The following PIWIL3 variants were observed in gnomAD, a reference collection of about 807,000 sequenced individuals.
PIWIL3 encodes piwi like RNA-mediated gene silencing 3, also known as piwi-like protein 3.
In PIWIL3, 101 loss-of-function variants were observed where a neutral mutation model predicts 109.7. That is an observed-to-expected ratio of 0.92 (90% CI 0.78 to 1.09). PIWIL3 has a LOEUF of 1.09. Ranked by LOEUF, PIWIL3 falls within the 50% of genes least tolerant of loss-of-function variation. The probability of loss-of-function intolerance (pLI) is 0.00; values close to 1 mark genes in which losing one functional copy is unlikely to be tolerated. For synonymous variants in PIWIL3, 373 were observed against 376.4 expected, an observed-to-expected ratio of 0.99 and a Z score of 0.10; for missense variants, 1,031 against 1,072.6, an observed-to-expected ratio of 0.96 and a Z score of 0.54.
At chr22:24,731,994 A>C (rs1459178875) in intron 14 of PIWIL3, among the ~76,000 whole-genome samples, 1 of 152,182 alleles carries the variant, frequency 6.6e-6, no homozygotes, top group African/African-American at 2.4e-5. Context: ...ATCATGACTC[A>C]TTTAAAATAG....
At chr22:24,733,783 G>C (rs945871756) in intron 14 of PIWIL3, among the ~76,000 whole-genome samples, 2 of 151,906 alleles carry the variant, frequency 1.3e-5, no homozygotes, top group African/African-American at 4.8e-5. Context: ...TTACACCTGC[G>C]GGTAAAAGTA....
In PIWIL3 at chr22:24,723,224, G is replaced by A. The variant is rs147640812; in HGVS notation, c.2263C>T (p.Arg755Ter). ...FTLAFIVVKK[R>*]INTRFFLKHG... ...TTAAGAAAAAATCTAGTGTTTATTC[G>A]TTTCTTCACCACAATGAAAGCTAGA... Residue 755 changes from arginine to a stop codon, truncating the protein, a stop_gained, in exon 19 of 21, where the codon CGA (arginine) becomes TGA (stop). Transcript: ENST00000616349. LOFTEE classifies it high-confidence loss of function. The A allele has an allele frequency of 9.6e-5, 155 of 1,610,492 alleles. No individual in the cohort carries two copies. The East Asian group carries it at 2.1e-3, about 22-fold the overall frequency.
At position 24,719,736 on chromosome 22, in the gene PIWIL3, A is replaced by T. The variant is rs772389045; in HGVS notation, c.2505+12T>A. The T allele has an allele frequency of 1.9e-6, 3 of 1,606,776 alleles. No individual in the cohort carries two copies. In the African/African-American group the frequency reaches 4.0e-5, roughly 21 times the overall value. On this transcript the variant is annotated intron_variant, in intron 20 of 20. Coordinates refer to ENST00000616349, the MANE Select transcript of PIWIL3 (RefSeq NM_001255975.1). ...AAAAAATCTGAAGAAAAAAGTAACAAAAAGTACTTACTGGCAAATTATAAT... is the reference window on the plus strand; with the variant it reads ...AAAAAATCTGAAGAAAAAAGTAACATAAAGTACTTACTGGCAAATTATAAT...
chr22:24,770,764 G>A (rs902498374), intron 1 of PIWIL3, among the ~76,000 whole-genome samples: 4 of 151,782 alleles, frequency 2.6e-5, no homozygotes, highest in African/African-American at 7.3e-5. Flanking sequence ...GAACCCAAGG[G>A]GTGGAGGTTG....
At chr22:24,743,948 A>G (rs1195330673) in intron 12 of PIWIL3, among the ~76,000 whole-genome samples, 1 of 152,098 alleles carries the variant, frequency 6.6e-6, no homozygotes, top group Non-Finnish European at 1.5e-5. Flanking sequence ...ATAAGACAGT[A>G]TTTGCAAACC....
At chr22:24,723,431 G>A (rs927751183) in intron 18 of PIWIL3, among the ~76,000 whole-genome samples, 176 bp from the exon 19 acceptor site, 2 of 152,260 alleles carry the variant, frequency 1.3e-5, no homozygotes, top group East Asian at 1.9e-4. Context: ...CAGTAAATGG[G>A]GAGGTATTTA....
intron 1 of PIWIL3, among the ~76,000 whole-genome samples, chr22:24,765,432 T>C (rs1925730285): frequency 6.6e-6 from 1 of 152,258 alleles, no homozygotes; most frequent in Non-Finnish European, 1.5e-5. Context: ...AGTGTTTTGG[T>C]TCAGACACCT....
intron 6 of PIWIL3, 144 bp from the exon 7 acceptor site, chr22:24,755,008 G>T (rs1924940756): frequency 6.1e-6 from 4 of 652,072 alleles, no homozygotes; most frequent in Non-Finnish European, 8.1e-6. Context: ...GTTACATGAT[G>T]AGGTGGATAT....
chr22:24,737,904 G>A (rs949175313), intron 12 of PIWIL3, among the ~76,000 whole-genome samples: 3 of 152,134 alleles, frequency 2.0e-5, no homozygotes, highest in African/African-American at 7.2e-5. Flanking sequence ...CTCACGCCTG[G>A]AATCCCAGGA....
intron 3 of PIWIL3, 38 bp downstream of exon 3, chr22:24,759,831 C>T (rs770781815): frequency 6.2e-7 from 1 of 1,613,454 alleles, no homozygotes; most frequent in Non-Finnish European, 8.5e-7. Context: ...ACACATGAAG[C>T]ATCCCCTGCC....
At chr22:24,722,371 C>T (rs917878732) in intron 19 of PIWIL3, among the ~76,000 whole-genome samples, 17 of 152,068 alleles carry the variant, frequency 1.1e-4, no homozygotes, top group Admixed American at 7.2e-4. Flanking sequence ...TGTGAGCCAC[C>T]GTGCCCAGCC....
At position 24,762,513 on chromosome 22, in the gene PIWIL3, G is replaced by A; in HGVS notation, c.-14C>T. ...CCTACCAGGCATTGTGGTCCTGAAG[G>A]TGATGACCCTGAAGAATACAGTTAT... On this transcript the variant is annotated 5_prime_UTR_variant, in exon 2 of 21. Coordinates refer to ENST00000616349, the MANE Select transcript of PIWIL3 (RefSeq NM_001255975.1). 2 of 1,608,504 alleles carry A rather than the reference G, an allele frequency of 1.2e-6. No homozygotes were observed. The highest frequency in any genetic ancestry group is 1.7e-6 in the Non-Finnish European group (2 of 1,178,158).
rs547355078 is a variant in PIWIL3, at chr22:24,773,583, G to A, written c.-23+739C>T. 1.3e-4 allele frequency among the ~76,000 whole-genome samples: 20 copies of A among 151,870 alleles called. No individual in the cohort carries two copies. The South Asian group carries it at 3.7e-3, about 28-fold the overall frequency. ...ATTTACATATTGATAGAAATTCCGC[G>A]GTTTTATTTATCATCACGTCAGTTT... On this transcript the variant is annotated intron_variant, in intron 1 of 20. Transcript: ENST00000616349.
At position 24,757,940 on chromosome 22, in the gene PIWIL3, T is replaced by A; in HGVS notation, c.323A>T (p.Gln108Leu). The change falls in exon 4 of 21, where the codon CAA becomes CTA. Residue 108 changes from glutamine to leucine, a missense_variant. Gln to Leu is a moderately radical substitution (Grantham distance 113). Coordinates refer to ENST00000616349, the MANE Select transcript of PIWIL3 (RefSeq NM_001255975.1). ...TGAGTCTTTAACATGCTTCATATCT[T>A]GCCTGGTGTTCACCACCAGGTCTTG... ...VFQDLVVNTR[Q>L]DMKHVKDSKT... 1.1e-5 allele frequency: 18 copies of A among 1,613,646 alleles called. No individual in the cohort carries two copies. The highest frequency in any genetic ancestry group is 1.4e-5 in the Non-Finnish European group (16 of 1,179,828).
At position 24,731,169 on chromosome 22, in the gene PIWIL3, T is replaced by C. The variant is rs1484183966; in HGVS notation, c.1708-2795A>G. Reference sequence around the variant, plus strand: ...GATTAAACAGGTTTTACTGGCGGTCTGAAGAAAATCCCCAGGCCTCCACAA... The same window carrying C: ...GATTAAACAGGTTTTACTGGCGGTCCGAAGAAAATCCCCAGGCCTCCACAA... On this transcript the variant is annotated intron_variant, in intron 14 of 20. Coordinates refer to ENST00000616349, the MANE Select transcript of PIWIL3 (RefSeq NM_001255975.1). Among the ~76,000 whole-genome samples, 26 of 152,168 alleles carry C rather than the reference T, an allele frequency of 1.7e-4. 1 individual carries two copies. Among genetic ancestry groups the C allele is most frequent in the Admixed American group, 1.7e-3 (26 of 15,284 alleles).
chr22:24,743,941 A>G (rs1924157188), intron 12 of PIWIL3, among the ~76,000 whole-genome samples: 1 of 152,118 alleles, frequency 6.6e-6, no homozygotes. Context: ...AGGGGTTATA[A>G]GACAGTATTT....
intron 1 of PIWIL3, among the ~76,000 whole-genome samples, chr22:24,768,203 T>A (rs1467086828): frequency 6.6e-6 from 1 of 152,068 alleles, no homozygotes; most frequent in East Asian, 1.9e-4. Flanking sequence ...TATTTTGTTT[T>A]CCCTTTTTCT....
At position 24,735,910 on chromosome 22, in the gene PIWIL3, G is replaced by T; in HGVS notation, c.1450-18C>A. The T allele has an allele frequency of 1.3e-6, 2 of 1,568,658 alleles. No homozygotes were observed. The highest frequency in any genetic ancestry group is 1.2e-5 in the South Asian group (1 of 85,098). On this transcript the variant is annotated intron_variant, in intron 12 of 20. Coordinates refer to ENST00000616349, the MANE Select transcript of PIWIL3 (RefSeq NM_001255975.1). ...GCTTTAACCTGGAAAAGAATTATAA[G>T]ACATGGCATAAAACTTTATTTTAAA... is the stretch of plus-strand genomic sequence containing the variant.
chr22:24,732,012 C>T (rs1923380028), intron 14 of PIWIL3, among the ~76,000 whole-genome samples: 1 of 152,184 alleles, frequency 6.6e-6, no homozygotes, highest in Non-Finnish European at 1.5e-5. Flanking sequence ...TAGTGATCTG[C>T]AAGCTGTCTG....
Sources: allele counts gnomAD v4.1 joint callset (sites outside exome capture counted in the v4.1 genomes callset), GRCh38; gene constraint gnomAD v4.1.1; transcripts MANE v1.5; gene names NCBI Gene and HGNC (gene_info 2026-07-23, HGNC 2026-07-21).